Variants in TTC27 observed in about 807,000 individuals in gnomAD.
TTC27 encodes tetratricopeptide repeat domain 27.
Under a neutral mutation model 115.9 loss-of-function variants are expected in TTC27, and 79 were observed. That is an observed-to-expected ratio of 0.68 (90% confidence interval 0.57 to 0.82). The LOEUF is 0.82. Among genes scored for constraint, TTC27 ranks in the 40% least tolerant of loss-of-function variants. The probability of loss-of-function intolerance (pLI) is 0.00; values close to 1 mark genes in which losing one functional copy is unlikely to be tolerated. For synonymous variants in TTC27, 401 were observed against 356.0 expected (o/e 1.13, Z -1.42); for missense variants, 1,054 against 993.1 (o/e 1.06, Z -0.82).
chr2:32,680,501 G>A (rs1366006978), intron 9 of TTC27, among the ~76,000 whole-genome samples: 3 of 152,034 alleles, frequency 2.0e-5, no homozygotes, highest in Admixed American at 6.6e-5. Flanking sequence ...TGGGATGGGC[G>A]CAGCTGTTTT....
chr2:32,783,787 C>T (rs1203623918), intron 15 of TTC27, among the ~76,000 whole-genome samples: 4 of 152,128 alleles, frequency 2.6e-5, no homozygotes, highest in Non-Finnish European at 4.4e-5. Flanking sequence ...CTATGAAAAG[C>T]GAAGGAAAGG....
chr2:32,689,797 C>G (rs186138945), intron 9 of TTC27, among the ~76,000 whole-genome samples: 2 of 152,214 alleles, frequency 1.3e-5, no homozygotes, highest in Admixed American at 1.3e-4. Flanking sequence ...CTTAACATTT[C>G]TTAGCACATG....
intron 10 of TTC27, among the ~76,000 whole-genome samples, chr2:32,733,240 T>C (rs115568707): frequency 0.011 from 1,708 of 152,316 alleles, 33 homozygotes; most frequent in African/African-American, 0.039. Flanking sequence ...AGTACCATTG[T>C]AGAAATTTCA....
intron 16 of TTC27, among the ~76,000 whole-genome samples, chr2:32,806,037 C>T (rs962892708): frequency 2.6e-5 from 4 of 152,176 alleles, no homozygotes; most frequent in African/African-American, 7.2e-5. Context: ...TCAGTGACAA[C>T]CCATCCCTGT....
chr2:32,635,901 T>C, intron 3 of TTC27, among the ~76,000 whole-genome samples: 1 of 152,168 alleles, frequency 6.6e-6, no homozygotes, highest in East Asian at 1.9e-4. Context: ...CTGATCCTAA[T>C]TATAACTGAA....
chr2:32,773,943 G>A (rs1023702414), intron 13 of TTC27, among the ~76,000 whole-genome samples: 2 of 152,166 alleles, frequency 1.3e-5, no homozygotes, highest in Admixed American at 6.5e-5. Flanking sequence ...AGCCATGTGT[G>A]ACAATGGACA....
At chr2:32,820,088 T>G (rs3769559) in intron 19 of TTC27, among the ~76,000 whole-genome samples, 15,677 of 152,260 alleles carry the variant, frequency 0.1, 966 homozygotes, top group Middle Eastern at 0.18. Context: ...AAACAGATAT[T>G]TGGCAAGCTA....
rs756259259 is a variant in TTC27, at chr2:32,672,376, T to G, written c.1044T>G (p.Leu348=). The change falls in exon 8 of 20, where the codon CTT becomes CTG. Residue 348 remains leucine, a synonymous_variant. Transcript: ENST00000317907. ...GTGCTGAAGAGATCGCTATTATTCT[T>G]GGAATCTGGTGAGTTAATGACTGAC... is the stretch of plus-strand genomic sequence containing the variant. ...DLCAEEIAII[L]GICTNFQKNN... is the part of the protein sequence containing the mutation. 1.9e-6 allele frequency: 3 copies of G among 1,612,118 alleles called. No homozygotes were observed. Among genetic ancestry groups the G allele is most frequent in the Non-Finnish European group, 2.5e-6 (3 of 1,178,504 alleles).
chr2:32,686,020 C>G (rs559314050), intron 9 of TTC27, among the ~76,000 whole-genome samples: 8 of 152,036 alleles, frequency 5.3e-5, no homozygotes, highest in Non-Finnish European at 1.2e-4. Flanking sequence ...AATACAAGGT[C>G]AATATAAAAA....
intron 1 of TTC27, 82 bp downstream of exon 1, chr2:32,628,462 C>T (rs1411826578): frequency 2.3e-6 from 3 of 1,313,168 alleles, no homozygotes; most frequent in African/African-American, 3.0e-5. Flanking sequence ...CTCATCCCTC[C>T]CTTCATTTTT....
chr2:32,739,377 G>C (rs944974866), intron 12 of TTC27, among the ~76,000 whole-genome samples: 1 of 152,124 alleles, frequency 6.6e-6, no homozygotes, highest in South Asian at 2.1e-4. Context: ...AGAAAGTATG[G>C]AAAGATGAGA....
intron 10 of TTC27, among the ~76,000 whole-genome samples, chr2:32,723,728 C>CTCCGTCCT (rs1454826952): frequency 0.017 from 498 of 29,532 alleles, 42 homozygotes; most frequent in African/African-American, 0.053. Context: ...CCCTCCCTCC[C>CTCCGTCCT]TCCTTCCTTC....
chr2:32,759,320 AAGCACTTACTATG>A (rs1409252319), intron 13 of TTC27, among the ~76,000 whole-genome samples: 5 of 152,262 alleles, frequency 3.3e-5, no homozygotes, highest in African/African-American at 7.2e-5. Flanking sequence ...AATGTTCACC[AAGCACTTACTATG>A]AGCCAGGTAA....
At chr2:32,809,392 C>T (rs1006031337) in intron 16 of TTC27, among the ~76,000 whole-genome samples, 4 of 152,208 alleles carry the variant, frequency 2.6e-5, no homozygotes, top group Admixed American at 6.5e-5. Flanking sequence ...CTGCAGTTCA[C>T]GGTAAAATTA....
At chr2:32,702,755 G>C in intron 9 of TTC27, 52 bp from the exon 10 acceptor site, 1 of 1,193,892 alleles carries the variant, frequency 8.4e-7, no homozygotes, top group South Asian at 1.2e-5. Flanking sequence ...TTCAGAATGA[G>C]ATCACCTAGC....
intron 4 of TTC27, among the ~76,000 whole-genome samples, chr2:32,646,144 T>G (rs1288422954): frequency 6.6e-6 from 1 of 152,080 alleles, no homozygotes; most frequent in Non-Finnish European, 1.5e-5. Context: ...TTCTCCTGCC[T>G]CAGCCTCCCG....
In TTC27 at chr2:32,668,805, C is replaced by T. The variant is rs552899762; in HGVS notation, c.939+2037C>T. On this transcript the variant is annotated intron_variant, in intron 7 of 19. Transcript: ENST00000317907. ...TTTTATTTTAAAAATTTTGGCTGGGCGTGGTGGCTCACGCCTGTAATCCCA... is the reference window on the plus strand; with the variant it reads ...TTTTATTTTAAAAATTTTGGCTGGGTGTGGTGGCTCACGCCTGTAATCCCA... 2.6e-5 allele frequency among the ~76,000 whole-genome samples: 4 copies of T among 151,010 alleles called. No individual in the cohort carries two copies. The South Asian group carries it at 8.7e-4, about 33-fold the overall frequency.
intron 9 of TTC27, among the ~76,000 whole-genome samples, chr2:32,695,074 A>G (rs1666939069): frequency 6.6e-6 from 1 of 152,158 alleles, no homozygotes; most frequent in Admixed American, 6.5e-5. Context: ...AACCATTTTT[A>G]AGGGTACAGT....
At chr2:32,776,018 T>C (rs1399889365) in intron 13 of TTC27, among the ~76,000 whole-genome samples, 1 of 152,196 alleles carries the variant, frequency 6.6e-6, no homozygotes, top group Non-Finnish European at 1.5e-5. Flanking sequence ...AGCTCATTTT[T>C]AGGTTGTTGA....
Sources: allele counts gnomAD v4.1 joint callset (sites outside exome capture counted in the v4.1 genomes callset), GRCh38; gene constraint gnomAD v4.1.1; transcripts MANE v1.5; gene names NCBI Gene and HGNC (gene_info 2026-07-23, HGNC 2026-07-21).